The following LACC1 variants were observed in gnomAD, a reference collection of about 807,000 sequenced individuals.
LACC1 encodes the protein laccase domain multifunctional purine nucleosidase 1, also known as purine nucleoside phosphorylase LACC1.
In LACC1, 25 loss-of-function variants were observed where a neutral mutation model predicts 34.8. The observed-to-expected ratio is 0.72, with a 90% CI of 0.52 to 1.00. The LOEUF (loss-of-function observed/expected upper bound fraction) is 1.00. LACC1 is among the 50% of genes least tolerant of loss of function. The pLI is 0.00. For synonymous variants in LACC1, 162 were observed against 168.0 expected (o/e 0.96, Z 0.28); for missense variants, 426 against 511.2 (o/e 0.83, Z 1.61).
At chr13:43,886,218 A>C (rs571552904) in intron 4 of LACC1, among the ~76,000 whole-genome samples, 1 of 152,324 alleles carries the variant, frequency 6.6e-6, no homozygotes, top group African/African-American at 2.4e-5. Flanking sequence ...AGAACTTAAA[A>C]TTAGAACTAC....
upstream of LACC1, chr13:43,879,230 C>T (rs1177996203): frequency 6.5e-6 from 1 of 152,760 alleles, no homozygotes; most frequent in African/African-American, 2.4e-5. Flanking sequence ...GCCCGCCGTT[C>T]CCGCCGCCCG....
chr13:43,891,680 T>TA lies in LACC1; in HGVS notation c.*236dup. ...ATGTTTTATGCATGAGAATTATTCT[T>TA]AAAGTTTGTTCTCCCTGTTTATTAC... On this transcript the variant is annotated 3_prime_UTR_variant, in exon 7 of 7. Transcript: ENST00000325686. The TA allele has an allele frequency of 2.2e-6, 1 of 457,524 alleles. No homozygotes were observed. Among genetic ancestry groups the TA allele is most frequent in the Non-Finnish European group, 2.9e-6 (1 of 347,476 alleles). The allele number at this position is 457,524 out of a possible 1,614,324, so 28.3% of individuals were successfully genotyped here.
At chr13:43,883,691 A>T in intron 3 of LACC1, 80 bp from the exon 4 acceptor site, 7 of 1,064,112 alleles carry the variant, frequency 6.6e-6, no homozygotes, top group Non-Finnish European at 9.2e-6. Flanking sequence ...ATTTTATACT[A>T]CAATGAGTAC....
At chr13:43,889,087 G>A in intron 5 of LACC1, 105 bp downstream of exon 5, 1 of 855,126 alleles carries the variant, frequency 1.2e-6, no homozygotes, top group East Asian at 2.5e-5. Flanking sequence ...TTTAGGTGGT[G>A]GTTATTTAAG....
chr13:43,889,016 T>G, intron 5 of LACC1, 34 bp downstream of exon 5: 1 of 1,492,642 alleles, frequency 6.7e-7, no homozygotes, highest in Non-Finnish European at 9.3e-7. Context: ...CAAGTTTGAT[T>G]ATTTCTGATT....
chr13:43,886,230 A>G (rs538951782), intron 4 of LACC1, among the ~76,000 whole-genome samples: 1 of 152,340 alleles, frequency 6.6e-6, no homozygotes, highest in African/African-American at 2.4e-5. Context: ...TAGAACTACC[A>G]TTCAACCCAG....
chr13:43,889,195 A>G (rs1041340084), intron 5 of LACC1, among the ~76,000 whole-genome samples: 11 of 152,162 alleles, frequency 7.2e-5, no homozygotes, highest in African/African-American at 2.4e-4. Flanking sequence ...GGTATCTTTC[A>G]TTGATTTAAA....
At chr13:43,880,295 CGTCACCAAAGGGG>C (rs889531020) in intron 1 of LACC1, among the ~76,000 whole-genome samples, 176 bp downstream of exon 1, 3 of 144,494 alleles carry the variant, frequency 2.1e-5, no homozygotes, top group African/African-American at 7.7e-5. Context: ...GGGCAAAGGG[CGTCACCAAAGGGG>C]GTCACCGGAG....
chr13:43,890,141 T>G lies in LACC1; in HGVS notation c.1161T>G (p.Leu387=). ...TTCTTCTAGAACAGGGAGGAATTCT[T>G]CCACAGAATATTCAGGACCAGAACC... ...TRILLEQGGI[L]PQNIQDQNQD... is the part of the protein sequence containing the mutation. Residue 387 remains leucine (L), a synonymous_variant, in exon 6 of 7, where the codon CTT becomes CTG. Coordinates refer to ENST00000325686, the MANE Select transcript of LACC1 (RefSeq NM_153218.4). 1 of 1,612,846 alleles carries G rather than the reference T, an allele frequency of 6.2e-7. No homozygotes were observed. Among genetic ancestry groups the G allele is most frequent in the Non-Finnish European group, 8.5e-7 (1 of 1,179,496 alleles).
chr13:43,888,137 C>A (rs552547742), intron 4 of LACC1, among the ~76,000 whole-genome samples: 2 of 152,068 alleles, frequency 1.3e-5, no homozygotes, highest in South Asian at 4.1e-4. Context: ...TATTCTGACA[C>A]ATACTACAAT....
chr13:43,889,091 A>T, intron 5 of LACC1, 109 bp downstream of exon 5: 1 of 827,718 alleles, frequency 1.2e-6, no homozygotes, highest in East Asian at 2.5e-5. Context: ...GGTGGTGGTT[A>T]TTTAAGCAGC....
chr13:43,885,414 G>A (rs562302078), intron 4 of LACC1, among the ~76,000 whole-genome samples: 2 of 152,078 alleles, frequency 1.3e-5, no homozygotes, highest in Non-Finnish European at 2.9e-5. Context: ...CTGACACATA[G>A]GCCAATAGAA....
At chr13:43,886,574 G>A (rs527269896) in intron 4 of LACC1, among the ~76,000 whole-genome samples, 1 of 152,210 alleles carries the variant, frequency 6.6e-6, no homozygotes, top group South Asian at 2.1e-4. Flanking sequence ...ACAAAAAAAG[G>A]GACAATGGAC....
At chr13:43,879,697 G>A (rs1954828406), upstream of LACC1, 1 of 153,698 alleles carries the variant, frequency 6.5e-6, no homozygotes, top group Non-Finnish European at 1.5e-5. Flanking sequence ...GGGATCCTGG[G>A]ACGGTATCAG....
At chr13:43,879,800 A>AGGCGG (rs1241680078), upstream of LACC1, 200 of 77,786 alleles carry the variant, frequency 2.6e-3, 2 homozygotes, top group East Asian at 0.012. Flanking sequence ...AGGCGGGGCG[A>AGGCGG]GGCGAGGCGG....
At position 43,888,828 on chromosome 13, in the gene LACC1, T is replaced by A; in HGVS notation, c.979T>A (p.Leu327Met). The change falls in exon 5 of 7, where the codon TTG (leucine) becomes ATG (methionine). Residue 327 changes from leucine to methionine, a missense_variant. Physicochemically the swap from Leu to Met is conservative, Grantham distance 15. Around this residue, in one of 2 missense-constraint regions of LACC1, gnomAD observed 209 missense variants for 300.3 expected, o/e 0.70. Coordinates refer to ENST00000325686, the MANE Select transcript of LACC1 (RefSeq NM_153218.4). ...TATGATAGCAGAATATGGCTGCAGT[T>A]TGGAAGACATTGTTGTTGTACTTGG... is the stretch of plus-strand genomic sequence containing the variant. ...NAMIAEYGCS[L>M]EDIVVVLGPS... 6.2e-7 allele frequency: 1 copy of A among 1,613,932 alleles called. No homozygotes were observed. Among genetic ancestry groups the A allele is most frequent in the South Asian group, 1.1e-5 (1 of 91,074 alleles).
chr13:43,884,700 G>A (rs1380745895), intron 4 of LACC1, among the ~76,000 whole-genome samples: 3 of 152,046 alleles, frequency 2.0e-5, no homozygotes, highest in Non-Finnish European at 4.4e-5. Context: ...AATGAGGGAT[G>A]ATCTTTAAAA....
intron 1 of LACC1, among the ~76,000 whole-genome samples, 166 bp downstream of exon 1, chr13:43,880,285 G>A (rs1165168879): frequency 6.6e-6 from 1 of 151,924 alleles, no homozygotes; most frequent in East Asian, 1.9e-4. Flanking sequence ...AACCTTCTTG[G>A]GGCAAAGGGC....
chr13:43,891,150 A>C lies in LACC1; in HGVS notation c.*2-299A>C, dbSNP rs544695049. Reference sequence around the variant, plus strand: ...GGCCTATAGGCTATAGTACACTGACACATGATCTAAAGTCATACAGCAAGA... The same window carrying C: ...GGCCTATAGGCTATAGTACACTGACCCATGATCTAAAGTCATACAGCAAGA... On this transcript the variant is annotated intron_variant, in intron 6 of 6. Coordinates refer to ENST00000325686, the MANE Select transcript of LACC1 (RefSeq NM_153218.4). Among the ~76,000 whole-genome samples, 7 of 152,340 alleles carry C rather than the reference A, an allele frequency of 4.6e-5. No homozygotes were observed. In the South Asian group the frequency reaches 1.4e-3, roughly 32 times the overall value.
Sources: allele counts gnomAD v4.1 joint callset (sites outside exome capture counted in the v4.1 genomes callset), GRCh38; gene constraint gnomAD v4.1.1; regional missense constraint gnomAD v4.1.1; transcripts MANE v1.5; gene names NCBI Gene and HGNC (gene_info 2026-07-23, HGNC 2026-07-21).